The following SMG6 variants were observed in gnomAD, a reference collection of about 807,000 sequenced individuals.
SMG6 encodes SMG6 nonsense mediated mRNA decay factor.
In SMG6, 66 loss-of-function variants were observed where a neutral mutation model predicts 142.2. That is an observed-to-expected ratio of 0.46 (90% CI 0.38 to 0.57). The LOEUF (loss-of-function observed/expected upper bound fraction) is 0.57. SMG6 is among the 20% of genes least tolerant of loss of function. The pLI, the probability that SMG6 is intolerant of heterozygous loss-of-function variation, is 0.00. For synonymous variants in SMG6, 779 were observed against 702.4 expected (o/e 1.11, Z -1.72); for missense variants, 1,793 against 1,832.0 (o/e 0.98, Z 0.39).
At chr17:2,244,368 G>A (rs1035654440) in intron 9 of SMG6, among the ~76,000 whole-genome samples, 1 of 152,208 alleles carries the variant, frequency 6.6e-6, no homozygotes, top group African/African-American at 2.4e-5. Context: ...CCGGAAGGCA[G>A]AGGAAAGAGA....
At chr17:2,203,626 G>T (rs970058847) in intron 10 of SMG6, among the ~76,000 whole-genome samples, 10 of 152,170 alleles carry the variant, frequency 6.6e-5, no homozygotes. Flanking sequence ...GGTTGTGGAG[G>T]AGAAGTGATA....
chr17:2,253,362 C>T (rs1021560042), intron 8 of SMG6, among the ~76,000 whole-genome samples: 1 of 152,082 alleles, frequency 6.6e-6, no homozygotes, highest in Non-Finnish European at 1.5e-5. Flanking sequence ...CCAGGATGGT[C>T]TCGATCTCCT....
rs527317242 is a variant in SMG6 at position 2,182,933 on chromosome 17, C to A, written c.3155+3730G>T. 3.9e-5 allele frequency among the ~76,000 whole-genome samples: 6 copies of A among 152,156 alleles called. No homozygotes were observed. In the South Asian group the frequency reaches 1.2e-3, roughly 32 times the overall value. The stretch of plus-strand genomic sequence containing the variant: ...TGGGCAGGGGTGAAACAGAGAAAGA[C>A]AGAGACACTAAGGAAGAGTAGAGAT... On this transcript the variant is annotated intron_variant, in intron 12 of 18. Transcript: ENST00000263073.
chr17:2,109,476 CTGGTCTTG>C (rs765573640), intron 13 of SMG6, among the ~76,000 whole-genome samples: 1 of 152,176 alleles, frequency 6.6e-6, no homozygotes, highest in Non-Finnish European at 1.5e-5. Context: ...GTTGGCCAGC[CTGGTCTTG>C]AATTGCTGGC....
chr17:2,166,924 G>A (rs908452451), intron 13 of SMG6, among the ~76,000 whole-genome samples: 2 of 152,002 alleles, frequency 1.3e-5, no homozygotes, highest in Admixed American at 6.5e-5. Context: ...TCAGGAGTTC[G>A]AGACCAGCCT....
intron 13 of SMG6, among the ~76,000 whole-genome samples, chr17:2,169,539 G>C (rs1040524004): frequency 6.6e-6 from 1 of 152,168 alleles, no homozygotes; most frequent in African/African-American, 2.4e-5. Flanking sequence ...AAGGGAGTGC[G>C]AGAGGCACAC....
intron 10 of SMG6, chr17:2,215,815 C>A (rs2073000344): frequency 7.9e-6 from 1 of 126,254 alleles, no homozygotes; most frequent in Non-Finnish European, 1.6e-5. Flanking sequence ...TACGTCTGGC[C>A]TGGAAATGCG....
chr17:2,122,876 G>A (rs534657509), intron 13 of SMG6, among the ~76,000 whole-genome samples: 1 of 152,354 alleles, frequency 6.6e-6, no homozygotes, highest in South Asian at 2.1e-4. Flanking sequence ...CACAACAGGA[G>A]ACTGAGCACA....
chr17:2,291,071 C>A (rs536673684), intron 6 of SMG6, among the ~76,000 whole-genome samples: 2 of 152,174 alleles, frequency 1.3e-5, no homozygotes, highest in Non-Finnish European at 2.9e-5. Context: ...GTGGCTCACG[C>A]CTGTAATCCC....
chr17:2,110,939 C>T (rs146763925), intron 13 of SMG6, among the ~76,000 whole-genome samples: 54 of 152,222 alleles, frequency 3.5e-4, no homozygotes, highest in African/African-American at 1.2e-3. Context: ...ATAGGTGTTA[C>T]GGCAAGAGCT....
chr17:2,279,400 T>C (rs542591736), intron 8 of SMG6, among the ~76,000 whole-genome samples: 2 of 152,302 alleles, frequency 1.3e-5, no homozygotes, highest in African/African-American at 4.8e-5. Flanking sequence ...TGTCGAGGAT[T>C]TTAGACCTGA....
intron 13 of SMG6, among the ~76,000 whole-genome samples, chr17:2,106,531 A>G (rs1406742000): frequency 6.6e-6 from 1 of 152,208 alleles, no homozygotes; most frequent in African/African-American, 2.4e-5. Flanking sequence ...AGGAAGGGAA[A>G]GAGAGGGAGA....
At chr17:2,141,936 A>G (rs892316677) in intron 13 of SMG6, among the ~76,000 whole-genome samples, 1 of 152,178 alleles carries the variant, frequency 6.6e-6, no homozygotes, top group African/African-American at 2.4e-5. Context: ...AGTTACAATC[A>G]CTGTTTACCA....
rs761531810 is a variant in SMG6, at chr17:2,292,895, G to GT, written c.2233dup (p.Thr745AsnfsTer26). On this transcript the variant is annotated frameshift_variant, in exon 5 of 19. Coordinates refer to ENST00000263073, the MANE Select transcript of SMG6 (RefSeq NM_017575.5). LOFTEE classifies it high-confidence loss of function. ...CCTGCGTGCTTTCCCATAATTCGCTGTATCACTGGCTTGCTCCCGGTACCT... is the reference window on the plus strand; with the variant it reads ...CCTGCGTGCTTTCCCATAATTCGCTGTTATCACTGGCTTGCTCCCGGTACCT... 1 of 1,613,908 alleles carries GT rather than the reference G, an allele frequency of 6.2e-7. No homozygotes were observed.
intron 13 of SMG6, chr17:2,117,827 A>G (rs760221066): frequency 2.0e-5 from 3 of 152,252 alleles, no homozygotes; most frequent in Non-Finnish European, 4.4e-5. Flanking sequence ...CTGATATTTG[A>G]AAAAAAGTAC....
intron 12 of SMG6, among the ~76,000 whole-genome samples, chr17:2,175,829 G>A (rs2071638864): frequency 2.6e-5 from 4 of 152,216 alleles, no homozygotes; most frequent in Admixed American, 2.6e-4. Flanking sequence ...CTTCTGCTCT[G>A]GTTAATTCAA....
chr17:2,107,661 T>G (rs971622899), intron 13 of SMG6, among the ~76,000 whole-genome samples: 2 of 152,162 alleles, frequency 1.3e-5, no homozygotes, highest in Admixed American at 6.5e-5. Context: ...ACAGCTCTGA[T>G]GGAACAAGCC....
chr17:2,248,821 A>G (rs1038752497), intron 8 of SMG6, among the ~76,000 whole-genome samples: 1 of 152,192 alleles, frequency 6.6e-6, no homozygotes, highest in Non-Finnish European at 1.5e-5. Context: ...TATTGATCAA[A>G]TCGGACCTAA....
chr17:2,162,375 G>A (rs747688380), intron 13 of SMG6, among the ~76,000 whole-genome samples: 6 of 151,956 alleles, frequency 3.9e-5, no homozygotes, highest in South Asian at 2.1e-4. Context: ...TTAGCCAGGC[G>A]TGGTGGTGGG....
Sources: gnomAD v4.1 joint callset for allele counts (sites outside exome capture counted in the v4.1 genomes callset) on GRCh38, gnomAD v4.1.1 for gene constraint, MANE v1.5 for transcripts, NCBI Gene and HGNC (gene_info 2026-07-23, HGNC 2026-07-21) for gene names.